Variants in RBFOX1 observed in about 807,000 individuals in gnomAD.
RBFOX1 encodes RNA binding protein fox-1 homolog 1.
In RBFOX1, 8 loss-of-function variants were observed where a neutral mutation model predicts 57.7. That is an observed-to-expected ratio of 0.14 (90% confidence interval 0.08 to 0.25). The LOEUF is 0.25. Among genes scored for constraint, RBFOX1 ranks in the 10% least tolerant of loss-of-function variants. RBFOX1 has a pLI of 1.00. For synonymous variants in RBFOX1, 326 were observed against 222.4 expected, an observed-to-expected ratio of 1.47 and a Z score of -4.15; for missense variants, 611 against 548.5, an observed-to-expected ratio of 1.11 and a Z score of -1.14.
intron 1 of RBFOX1, among the ~76,000 whole-genome samples, chr16:6,124,736 C>G (rs1025172337): frequency 6.6e-6 from 1 of 152,082 alleles, no homozygotes; most frequent in African/African-American, 2.4e-5. Flanking sequence ...CCATGTTGGC[C>G]AGGCTGGTCT....
intron 4 of RBFOX1, among the ~76,000 whole-genome samples, chr16:5,968,626 T>G (rs550924454): frequency 6.6e-6 from 1 of 151,934 alleles, no homozygotes; most frequent in East Asian, 1.9e-4. Flanking sequence ...GCCTGAAGAT[T>G]TTTTTTTTCT....
At chr16:6,802,697 T>G (rs117020872) in intron 3 of RBFOX1, among the ~76,000 whole-genome samples, 7 of 152,272 alleles carry the variant, frequency 4.6e-5, no homozygotes, top group Admixed American at 6.5e-5. Context: ...AAAAAGTGCA[T>G]GTTATTTGAT....
Position 5,844,277 on chromosome 16 carries a change from T to G in RBFOX1, c.319-23026T>G, listed in dbSNP as rs538369897. ...CAAACTTAGAAACTCAGCCCACATA[T>G]CAGAGCAAAACTGCCGGCAAGAAAT... On this transcript the variant is annotated intron_variant, in intron 3 of 19. Transcript: ENST00000641259. Among the ~76,000 whole-genome samples the G allele has an allele frequency of 7.7e-4, 118 of 152,290 alleles. 1 individual carries two copies. Among genetic ancestry groups the G allele is most frequent in the African/African-American group, 2.6e-3 (110 of 41,546 alleles).
intron 3 of RBFOX1, among the ~76,000 whole-genome samples, chr16:5,647,242 G>T (rs1340169608): frequency 6.6e-6 from 1 of 152,192 alleles, no homozygotes; most frequent in Non-Finnish European, 1.5e-5. Flanking sequence ...GGCAACAGGA[G>T]GTGAGGTCAT....
At chr16:6,377,639 C>A (rs865936553) in intron 2 of RBFOX1, among the ~76,000 whole-genome samples, 1 of 152,198 alleles carries the variant, frequency 6.6e-6, no homozygotes, top group African/African-American at 2.4e-5. Flanking sequence ...GCGCCTCACC[C>A]TCTCTTAAAA....
chr16:5,712,896 A>C (rs1184998211), intron 3 of RBFOX1, among the ~76,000 whole-genome samples: 1 of 152,108 alleles, frequency 6.6e-6, no homozygotes, highest in Non-Finnish European at 1.5e-5. Flanking sequence ...TCTGTTTTTA[A>C]ATATTGACTA....
At chr16:7,097,564 C>G (rs1047469121) in intron 4 of RBFOX1, among the ~76,000 whole-genome samples, 10 of 152,202 alleles carry the variant, frequency 6.6e-5, no homozygotes, top group Admixed American at 5.9e-4. Flanking sequence ...TTAAGCACCT[C>G]TCCATCTGCC....
At chr16:7,132,725 A>C (rs577134396) in intron 4 of RBFOX1, among the ~76,000 whole-genome samples, 69 of 152,312 alleles carry the variant, frequency 4.5e-4, no homozygotes, top group African/African-American at 1.6e-3. Flanking sequence ...GAAATCAACC[A>C]GTCACAAGAA....
intron 2 of RBFOX1, among the ~76,000 whole-genome samples, chr16:6,478,429 A>ATACATATATATATATTTTTTT (rs1159954387): frequency 5.3e-4 from 13 of 24,628 alleles, no homozygotes; most frequent in African/African-American, 1.5e-3. Flanking sequence ...ATATATATAT[A>ATACATATATATATATTTTTTT]TTTTTTTTTT....
At chr16:5,895,252 A>C (rs1275500829) in intron 4 of RBFOX1, among the ~76,000 whole-genome samples, 1 of 152,194 alleles carries the variant, frequency 6.6e-6, no homozygotes, top group African/African-American at 2.4e-5. Flanking sequence ...GGGGATGATA[A>C]AATAATGTGG....
chr16:7,646,215 A>T (rs1299963743), intron 11 of RBFOX1, among the ~76,000 whole-genome samples: 3 of 152,148 alleles, frequency 2.0e-5, no homozygotes, highest in Admixed American at 1.3e-4. Flanking sequence ...CTTCATTGTG[A>T]TGTTCATTGC....
chr16:5,407,293 A>G (rs2066893517), intron 1 of RBFOX1, among the ~76,000 whole-genome samples: 1 of 152,156 alleles, frequency 6.6e-6, no homozygotes, highest in Non-Finnish European at 1.5e-5. Context: ...GAGGATTACA[A>G]TTCAAGATGA....
chr16:7,102,519 C>G (rs1416898821), intron 4 of RBFOX1, among the ~76,000 whole-genome samples: 1 of 152,140 alleles, frequency 6.6e-6, no homozygotes, highest in Non-Finnish European at 1.5e-5. Context: ...TACTGATGTG[C>G]TTACTGCTTC....
chr16:7,540,135 C>A (rs1300095668), intron 5 of RBFOX1, among the ~76,000 whole-genome samples: 1 of 152,210 alleles, frequency 6.6e-6, no homozygotes. Context: ...ACCCCCGTCT[C>A]CTCCTTTCAA....
At chr16:7,144,967 G>C (rs944370726) in intron 4 of RBFOX1, among the ~76,000 whole-genome samples, 2 of 152,112 alleles carry the variant, frequency 1.3e-5, no homozygotes, top group African/African-American at 4.8e-5. Context: ...CCCCAGTGGA[G>C]TGCAGGGAGA....
chr16:6,817,599 G>A (rs987315250), intron 3 of RBFOX1, among the ~76,000 whole-genome samples: 3 of 151,296 alleles, frequency 2.0e-5, no homozygotes, highest in Admixed American at 6.6e-5. Context: ...GCAGCTACTC[G>A]GGAGGCTGAG....
chr16:6,842,760 C>A (rs886359384), intron 3 of RBFOX1, among the ~76,000 whole-genome samples: 3 of 151,292 alleles, frequency 2.0e-5, no homozygotes, highest in African/African-American at 7.3e-5. Context: ...CCTGTCAACC[C>A]GTCATCTAGG....
intron 1 of RBFOX1, among the ~76,000 whole-genome samples, chr16:5,448,024 G>A (rs527921201): frequency 3.3e-5 from 5 of 152,260 alleles, no homozygotes; most frequent in Middle Eastern, 3.4e-3. Flanking sequence ...GAATCTGGGG[G>A]TGGAGTCACA....
intron 4 of RBFOX1, among the ~76,000 whole-genome samples, chr16:7,160,101 TACC>T (rs993070419): frequency 6.6e-6 from 1 of 152,210 alleles, no homozygotes; most frequent in Non-Finnish European, 1.5e-5. Flanking sequence ...ACTAATTTCT[TACC>T]ACAACAGAAT....
Sources: allele counts gnomAD v4.1 joint callset (sites outside exome capture counted in the v4.1 genomes callset), GRCh38; gene constraint gnomAD v4.1.1; transcripts MANE v1.5; gene names NCBI Gene and HGNC (gene_info 2026-07-23, HGNC 2026-07-21).